The following CSMD1 variants were observed in gnomAD, a reference collection of about 807,000 sequenced individuals.
CSMD1 encodes CUB and Sushi multiple domains 1.
A neutral mutation model predicts 417.5 loss-of-function variants in CSMD1; 213 were observed. The observed-to-expected ratio is 0.51, with a 90% confidence interval of 0.46 to 0.57. The LOEUF (loss-of-function observed/expected upper bound fraction) is 0.57. CSMD1 is among the 20% of genes least tolerant of loss of function. The pLI is 0.00. For missense variants in CSMD1, 6,923 were observed against 4,529.7 expected (o/e 1.53, Z -15.17); for synonymous variants, 2,862 against 1,736.8 (o/e 1.65, Z -16.11).
chr8:4,787,584 G>A (rs921469684), intron 1 of CSMD1: 92 of 1,523,192 alleles, frequency 6.0e-5, no homozygotes, highest in Non-Finnish European at 7.4e-5. Context: ...GCACCCCAGT[G>A]CGAAATGATT....
At chr8:3,956,389 T>G (rs1457010978) in intron 5 of CSMD1, among the ~76,000 whole-genome samples, 2 of 152,168 alleles carry the variant, frequency 1.3e-5, no homozygotes, top group Non-Finnish European at 2.9e-5. Flanking sequence ...GAGCTAGAAT[T>G]TGAAGCCCAG....
intron 2 of CSMD1, among the ~76,000 whole-genome samples, chr8:4,535,972 G>A (rs189797748): frequency 6.6e-6 from 1 of 151,106 alleles, no homozygotes; most frequent in South Asian, 2.1e-4. Context: ...GTAATTATTT[G>A]TTTTATCTTA....
intron 5 of CSMD1, among the ~76,000 whole-genome samples, chr8:3,934,413 A>G (rs1810348953): frequency 6.6e-6 from 1 of 152,232 alleles, no homozygotes; most frequent in Non-Finnish European, 1.5e-5. Context: ...TCAGTAATGA[A>G]CACCGGTAGT....
At position 4,669,508 on chromosome 8, in the gene CSMD1, A is replaced by G. The variant is rs1381904021; in HGVS notation, c.86-31950T>C. Among the ~76,000 whole-genome samples the G allele has an allele frequency of 2.6e-5, 4 of 152,256 alleles. No homozygotes were observed. In the East Asian group the frequency reaches 7.7e-4, roughly 29 times the overall value. On this transcript the variant is annotated intron_variant, in intron 1 of 69. Transcript: ENST00000635120. ...ATCTAGTCATCTTTCCTTTCTGCCT[A>G]CCCACTTCTTCCAAATTGACACATA...
chr8:4,860,341 G>T (rs377082176), intron 1 of CSMD1, among the ~76,000 whole-genome samples: 3 of 151,306 alleles, frequency 2.0e-5, no homozygotes, highest in African/African-American at 7.3e-5. Context: ...CAGCGTACCA[G>T]CATGGCACAT....
intron 49 of CSMD1, among the ~76,000 whole-genome samples, chr8:3,078,620 C>A (rs985311227): frequency 1.3e-5 from 2 of 152,106 alleles, no homozygotes. Context: ...GCTTTTACAT[C>A]GTTTTTAATT....
At chr8:4,068,282 A>C (rs73658564) in intron 3 of CSMD1, among the ~76,000 whole-genome samples, 1 of 152,042 alleles carries the variant, frequency 6.6e-6, no homozygotes, top group Non-Finnish European at 1.5e-5. Context: ...TGAGAAGTCT[A>C]CTTTGTAGCT....
At chr8:4,712,383 C>G (rs749967017) in intron 1 of CSMD1, among the ~76,000 whole-genome samples, 16 of 152,290 alleles carry the variant, frequency 1.1e-4, no homozygotes, top group Non-Finnish European at 2.1e-4. Context: ...ACAGAACTGT[C>G]TAATAATCTG....
chr8:4,212,649 A>T (rs909333553), intron 3 of CSMD1, among the ~76,000 whole-genome samples: 1 of 152,102 alleles, frequency 6.6e-6, no homozygotes, highest in African/African-American at 2.4e-5. Flanking sequence ...TGTTATCAGT[A>T]AAGTACAATT....
At chr8:3,101,026 C>G (rs1219274556) in intron 46 of CSMD1, among the ~76,000 whole-genome samples, 2 of 149,650 alleles carry the variant, frequency 1.3e-5, no homozygotes, top group South Asian at 2.1e-4. Flanking sequence ...GTCACTGAAT[C>G]TCCTTAATGT....
At chr8:3,211,153 T>A (rs1182931733) in intron 30 of CSMD1, among the ~76,000 whole-genome samples, 1 of 152,128 alleles carries the variant, frequency 6.6e-6, no homozygotes, top group Non-Finnish European at 1.5e-5. Context: ...CAAGTGATAC[T>A]CCCACTACAG....
intron 2 of CSMD1, among the ~76,000 whole-genome samples, chr8:4,444,456 C>A (rs1563180390): frequency 6.8e-6 from 1 of 147,930 alleles, no homozygotes; most frequent in Non-Finnish European, 1.5e-5. Context: ...TGTGAGAAAA[C>A]CACCTGAGGA....
At chr8:2,990,401 G>C (rs1240078577) in intron 54 of CSMD1, among the ~76,000 whole-genome samples, 1 of 152,160 alleles carries the variant, frequency 6.6e-6, no homozygotes, top group Non-Finnish European at 1.5e-5. Context: ...GAGACAGTGG[G>C]ACAAGATTTC....
rs573463255 is a variant in CSMD1 at position 4,863,281 on chromosome 8, C to T, written c.85+131051G>A. 4.5e-4 allele frequency among the ~76,000 whole-genome samples: 69 copies of T among 152,060 alleles called. 2 individuals carry two copies. The highest frequency in any genetic ancestry group is 2.1e-3 in the Admixed American group (32 of 15,284). ...AGAATACATATACAAATTTTTAGAA[C>T]GGCGCATGGTATATAAAAAGCTCTC... On this transcript the variant is annotated intron_variant, in intron 1 of 69. Coordinates refer to ENST00000635120, the MANE Select transcript of CSMD1 (RefSeq NM_033225.6).
chr8:3,276,150 C>T (rs1054056470), intron 26 of CSMD1, among the ~76,000 whole-genome samples: 1 of 152,128 alleles, frequency 6.6e-6, no homozygotes, highest in Non-Finnish European at 1.5e-5. Flanking sequence ...TTCTAACAGT[C>T]AGGACCTTCA....
chr8:3,536,773 G>A (rs567873859), intron 10 of CSMD1, among the ~76,000 whole-genome samples: 1 of 152,146 alleles, frequency 6.6e-6, no homozygotes, highest in Non-Finnish European at 1.5e-5. Context: ...GTGTGGAAGG[G>A]ACTAAGTCAT....
intron 1 of CSMD1, among the ~76,000 whole-genome samples, chr8:4,909,620 G>A (rs765905006): frequency 1.1e-4 from 16 of 152,114 alleles, no homozygotes; most frequent in Non-Finnish European, 2.1e-4. Flanking sequence ...CACTTCATGG[G>A]GTTCCTAGAA....
chr8:4,543,916 A>G (rs1325174690), intron 2 of CSMD1, among the ~76,000 whole-genome samples: 1 of 152,100 alleles, frequency 6.6e-6, no homozygotes, highest in East Asian at 1.9e-4. Context: ...TGATAATTTG[A>G]CATCTGTTTA....
chr8:4,263,903 G>C (rs1216634815), intron 3 of CSMD1, among the ~76,000 whole-genome samples: 1 of 152,110 alleles, frequency 6.6e-6, no homozygotes, highest in Non-Finnish European at 1.5e-5. Flanking sequence ...AGACACAATA[G>C]TCCTGCAGTT....
Sources: gnomAD v4.1 joint callset for allele counts (sites outside exome capture counted in the v4.1 genomes callset) on GRCh38, gnomAD v4.1.1 for gene constraint, MANE v1.5 for transcripts, NCBI Gene and HGNC (gene_info 2026-07-23, HGNC 2026-07-21) for gene names.